Variants in MARCHF1 observed in about 807,000 individuals in gnomAD.
The protein encoded by MARCHF1 is E3 ubiquitin-protein ligase MARCHF1.
Under a neutral mutation model 54.2 loss-of-function variants are expected in MARCHF1, and 40 were observed. That is an observed-to-expected ratio of 0.74 (90% CI 0.57 to 0.96). The LOEUF is 0.96. Among genes scored for constraint, MARCHF1 ranks in the 40% least tolerant of loss-of-function variants. MARCHF1 has a pLI of 0.00. For missense variants in MARCHF1, 586 were observed against 656.5 expected (o/e 0.89, Z 1.17); for synonymous variants, 236 against 236.3 (o/e 1.00, Z 0.01).
chr4:163,947,930 C>A (rs1197597766), intron 3 of MARCHF1, among the ~76,000 whole-genome samples: 1 of 152,170 alleles, frequency 6.6e-6, no homozygotes, highest in East Asian at 1.9e-4. Flanking sequence ...TATGATGTAA[C>A]ATTTCCATTT....
At chr4:164,263,441 A>G (rs1733523388) in intron 1 of MARCHF1, among the ~76,000 whole-genome samples, 1 of 152,152 alleles carries the variant, frequency 6.6e-6, no homozygotes, top group African/African-American at 2.4e-5. Flanking sequence ...GCTGCAGTAC[A>G]GTGGTTGTTC....
chr4:164,337,742 T>C (rs533121630), intron 1 of MARCHF1, among the ~76,000 whole-genome samples: 1 of 152,246 alleles, frequency 6.6e-6, no homozygotes, highest in Non-Finnish European at 1.5e-5. Flanking sequence ...TTGCAGACAG[T>C]TTATGACCAC....
intron 1 of MARCHF1, among the ~76,000 whole-genome samples, chr4:164,123,608 A>C (rs1756119857): frequency 6.6e-6 from 1 of 152,144 alleles, no homozygotes; most frequent in Non-Finnish European, 1.5e-5. Context: ...AGACATATAG[A>C]CCAATGGAAC....
intron 8 of MARCHF1, among the ~76,000 whole-genome samples, chr4:163,565,219 G>A (rs868146335): frequency 6.6e-6 from 1 of 152,152 alleles, no homozygotes; most frequent in Non-Finnish European, 1.5e-5. Flanking sequence ...TAAATGCTAT[G>A]GGGTTCTTTT....
intron 1 of MARCHF1, among the ~76,000 whole-genome samples, chr4:164,367,569 AT>A (rs1378516179): frequency 6.6e-6 from 1 of 151,324 alleles, no homozygotes; most frequent in Non-Finnish European, 1.5e-5. Flanking sequence ...CCTTTTCTTG[AT>A]TTTTTTTCCT....
intron 3 of MARCHF1, among the ~76,000 whole-genome samples, chr4:163,910,103 A>G (rs1444108492): frequency 2.0e-5 from 3 of 152,174 alleles, no homozygotes; most frequent in African/African-American, 7.2e-5. Context: ...TCTAACATAT[A>G]AGAACAAAAT....
At chr4:164,140,239 C>CTATATATATATATATATA (rs70948702) in intron 1 of MARCHF1, among the ~76,000 whole-genome samples, 35 of 147,318 alleles carry the variant, frequency 2.4e-4, no homozygotes, top group Admixed American at 4.1e-4. Context: ...TACACACACA[C>CTATATATATATATATATA]TATATATATA....
chr4:164,189,210 C>T, intron 1 of MARCHF1: 1 of 567,446 alleles, frequency 1.8e-6, no homozygotes, highest in South Asian at 2.0e-5. Context: ...ACAAAGATGT[C>T]AGGAAAGACG....
intron 8 of MARCHF1, among the ~76,000 whole-genome samples, chr4:163,565,078 G>T (rs1054488609): frequency 3.3e-5 from 5 of 152,156 alleles, no homozygotes; most frequent in African/African-American, 1.2e-4. Context: ...CAAACCATGA[G>T]AAAGCTGTTG....
chr4:163,683,801 T>G (rs1462901201), intron 5 of MARCHF1, among the ~76,000 whole-genome samples: 1 of 152,210 alleles, frequency 6.6e-6, no homozygotes, highest in Non-Finnish European at 1.5e-5. Context: ...CTCTGCATTC[T>G]GGACATGGCT....
At chr4:164,144,636 A>G in intron 1 of MARCHF1, among the ~76,000 whole-genome samples, 1 of 141,276 alleles carries the variant, frequency 7.1e-6, no homozygotes, top group African/African-American at 2.9e-5. Flanking sequence ...GAACAAAGAC[A>G]CAACATACCA....
At chr4:163,591,494 G>C (rs1740592772) in intron 7 of MARCHF1, among the ~76,000 whole-genome samples, 1 of 152,072 alleles carries the variant, frequency 6.6e-6, no homozygotes, top group Non-Finnish European at 1.5e-5. Context: ...ATTATGAGCT[G>C]AATAAATTCA....
chr4:163,570,234 C>CT (rs1353755330), intron 8 of MARCHF1, among the ~76,000 whole-genome samples: 5 of 152,052 alleles, frequency 3.3e-5, no homozygotes, highest in Non-Finnish European at 2.9e-5. Context: ...ACGCTACCCT[C>CT]TTGTTGGCCT....
chr4:164,213,049 C>T (rs972846804), intron 1 of MARCHF1, among the ~76,000 whole-genome samples: 1 of 151,726 alleles, frequency 6.6e-6, no homozygotes, highest in Non-Finnish European at 1.5e-5. Context: ...GACAAGCCTG[C>T]ATATATATTA....
At chr4:164,049,753 C>T (rs998330850) in intron 2 of MARCHF1, among the ~76,000 whole-genome samples, 1 of 152,140 alleles carries the variant, frequency 6.6e-6, no homozygotes, top group African/African-American at 2.4e-5. Context: ...GTCATATATA[C>T]TGCACACATG....
At chr4:163,652,204 T>C (rs1742992672) in intron 5 of MARCHF1, among the ~76,000 whole-genome samples, 1 of 151,832 alleles carries the variant, frequency 6.6e-6, no homozygotes, top group African/African-American at 2.4e-5. Flanking sequence ...CTGCATTTAC[T>C]CCTAATTCAG....
At chr4:164,375,940 C>G (rs1358096695) in intron 1 of MARCHF1, among the ~76,000 whole-genome samples, 1 of 152,186 alleles carries the variant, frequency 6.6e-6, no homozygotes, top group African/African-American at 2.4e-5. Flanking sequence ...CCCCAGACCT[C>G]CCTGGCTGAG....
chr4:163,534,607 T>C (rs746955967), intron 9 of MARCHF1, among the ~76,000 whole-genome samples: 1 of 152,068 alleles, frequency 6.6e-6, no homozygotes, highest in African/African-American at 2.4e-5. Context: ...TGCTAAAAGA[T>C]GTTAGAAAAC....
intron 3 of MARCHF1, among the ~76,000 whole-genome samples, chr4:163,970,567 A>G (rs923380849): frequency 1.3e-5 from 2 of 152,228 alleles, no homozygotes; most frequent in African/African-American, 4.8e-5. Context: ...GGAAAGGAAG[A>G]CAAATACAGT....
Sources: allele counts gnomAD v4.1 joint callset (sites outside exome capture counted in the v4.1 genomes callset), GRCh38; gene constraint gnomAD v4.1.1; transcripts MANE v1.5; gene names NCBI Gene and HGNC (gene_info 2026-07-23, HGNC 2026-07-21).